The following MYOF variants were observed in gnomAD, a reference collection of about 807,000 sequenced individuals.
MYOF encodes myoferlin, also known as fer-1-like 3, myoferlin.
Under a neutral mutation model 284.2 loss-of-function variants are expected in MYOF, and 244 were observed. That is an observed-to-expected ratio of 0.86 (90% CI 0.77 to 0.95). The LOEUF (loss-of-function observed/expected upper bound fraction) is 0.95. MYOF is among the 40% of genes least tolerant of loss of function. MYOF has a pLI of 0.00. For missense variants in MYOF, 2,496 were observed against 2,560.6 expected, an observed-to-expected ratio of 0.97 and a Z score of 0.54; for synonymous variants, 904 against 919.7, an observed-to-expected ratio of 0.98 and a Z score of 0.31.
At chr10:93,422,306 TC>T (rs1848386611) in intron 5 of MYOF, among the ~76,000 whole-genome samples, 1 of 152,190 alleles carries the variant, frequency 6.6e-6, no homozygotes, top group South Asian at 2.1e-4. Flanking sequence ...CTAAAGAACT[TC>T]CGTGGGAGAG....
intron 4 of MYOF, among the ~76,000 whole-genome samples, chr10:93,429,888 A>G (rs1848757235): frequency 6.6e-6 from 1 of 152,146 alleles, no homozygotes; most frequent in African/African-American, 2.4e-5. Context: ...CACTAGAGAA[A>G]GAGAATTCTG....
chr10:93,308,767 A>T (rs1181914102), intron 53 of MYOF, among the ~76,000 whole-genome samples: 1 of 150,444 alleles, frequency 6.6e-6, no homozygotes, highest in Non-Finnish European at 1.5e-5. Flanking sequence ...GTTGGAGTGC[A>T]GTGGTGTGGT....
intron 5 of MYOF, among the ~76,000 whole-genome samples, chr10:93,422,929 C>T (rs1848418007): frequency 6.6e-6 from 1 of 151,748 alleles, no homozygotes; most frequent in Admixed American, 6.6e-5. Flanking sequence ...TTCCTAAAGG[C>T]CTGGCAGAAG....
chr10:93,428,099 A>T (rs1401227677), intron 4 of MYOF, among the ~76,000 whole-genome samples: 1 of 152,014 alleles, frequency 6.6e-6, no homozygotes, highest in African/African-American at 2.4e-5. Context: ...ACACATATGC[A>T]CACACACACA....
At position 93,333,774 on chromosome 10, in the gene MYOF, T is replaced by G. The variant is rs753293320; in HGVS notation, c.4703A>C (p.Gln1568Pro). ...AACTCTTACCAGGCCATTGTTGTCC[T>G]GGGGCTGGAGCTCTAAGCCTCGAAC... ...YIVRGLELQP[Q>P]DNNGLCDPYI... Residue 1568 changes from glutamine (Q) to proline (P), a missense_variant, in exon 42 of 54, where the codon CAG becomes CCG. By Grantham distance (76) the Gln-to-Pro change is moderately conservative. Coordinates refer to ENST00000359263, the MANE Select transcript of MYOF (RefSeq NM_013451.4). The G allele has an allele frequency of 6.2e-7, 1 of 1,614,050 alleles. No homozygotes were observed. The highest frequency in any genetic ancestry group is 1.3e-5 in the African/African-American group (1 of 74,934).
At chr10:93,465,538 C>CTTTTCT (rs1316526970) in intron 1 of MYOF, among the ~76,000 whole-genome samples, 2,917 of 112,140 alleles carry the variant, frequency 0.026, 100 homozygotes, top group South Asian at 0.042. Flanking sequence ...TTTTTCTTTT[C>CTTTTCT]TTTTTTTTTT....
At chr10:93,380,093 G>T in intron 20 of MYOF, 106 bp from the exon 21 acceptor site, 2 of 1,393,386 alleles carry the variant, frequency 1.4e-6, no homozygotes, top group Non-Finnish European at 9.7e-7. Flanking sequence ...ACAGGCTTGG[G>T]GAATAGCTTG....
At chr10:93,366,597 G>A (rs1307325190) in intron 25 of MYOF, 42 bp from the exon 26 acceptor site, 12 of 1,518,894 alleles carry the variant, frequency 7.9e-6, no homozygotes, top group African/African-American at 1.4e-5. Flanking sequence ...CCATCAGAGA[G>A]CAAAAAATAA....
At chr10:93,378,693 G>GTGTGTGTATGTATATATATATA in intron 21 of MYOF, among the ~76,000 whole-genome samples, 1 of 87,894 alleles carries the variant, frequency 1.1e-5, no homozygotes, top group Non-Finnish European at 2.1e-5. Flanking sequence ...GTGTGTGTGT[G>GTGTGTGTATGTATATATATATA]TATATATATA....
chr10:93,333,903 C>T lies in MYOF; in HGVS notation c.4574G>A (p.Arg1525Gln), dbSNP rs371741740. 39 of 1,613,562 alleles carry T rather than the reference C, an allele frequency of 2.4e-5. No homozygotes were observed. The highest frequency in any genetic ancestry group is 4.5e-5 in the East Asian group (2 of 44,860). ...GGGGTCATCCGGCAGAGGGTAGATC[C>T]GAAAGGAGCCCTAAAAGAGAGAGAC... is the stretch of plus-strand genomic sequence containing the variant. Reference protein sequence around the residue: ...SVVGEFKGSFRIYPLPDDPSV... With the variant: ...SVVGEFKGSFQIYPLPDDPSV... Residue 1525 changes from arginine to glutamine, a missense_variant, in exon 42 of 54, where the codon CGG becomes CAG. Coordinates refer to ENST00000359263, the MANE Select transcript of MYOF (RefSeq NM_013451.4).
At position 93,440,707 on chromosome 10, in the gene MYOF, C is replaced by T. The variant is rs77429286; in HGVS notation, c.237-9191G>A. Reference sequence around the variant, plus strand: ...ACATCATTGAAGATAGTCCAATGACCTTGCAAATTATTTACAGGTTGTAAA... The same window carrying T: ...ACATCATTGAAGATAGTCCAATGACTTTGCAAATTATTTACAGGTTGTAAA... On this transcript the variant is annotated intron_variant, in intron 3 of 53. Transcript: ENST00000359263. 5.1e-3 allele frequency among the ~76,000 whole-genome samples: 779 copies of T among 152,266 alleles called. 3 individuals are homozygous for T. Among genetic ancestry groups the T allele is most frequent in the African/African-American group, 0.018 (749 of 41,556 alleles).
chr10:93,321,412 CTTTTTTTTTT>C (rs35765868), intron 48 of MYOF, among the ~76,000 whole-genome samples: 1 of 121,188 alleles, frequency 8.3e-6, no homozygotes. Context: ...GACTATTAAC[CTTTTTTTTTT>C]TTTTTTTTTT....
Position 93,397,387 on chromosome 10 carries a change from C to A in MYOF, c.1290+1G>T. ...TTTTCAGAAAGAAAATAAAGTCAAA[C>A]CTTGATCTGAAGATTGACGACCTGA... On this transcript the variant is annotated splice_donor_variant, in intron 14 of 53. Coordinates refer to ENST00000359263, the MANE Select transcript of MYOF (RefSeq NM_013451.4). LOFTEE classifies it high-confidence loss of function. 1 of 1,610,582 alleles carries A rather than the reference C, an allele frequency of 6.2e-7. No individual in the cohort carries two copies. The highest frequency in any genetic ancestry group is 1.7e-5 in the Admixed American group (1 of 59,526).
intron 1 of MYOF, among the ~76,000 whole-genome samples, chr10:93,474,980 C>T (rs1051752089): frequency 4.6e-5 from 7 of 152,136 alleles, no homozygotes; most frequent in African/African-American, 1.7e-4. Flanking sequence ...AACTCCTGAC[C>T]TCAGGTGATC....
intron 43 of MYOF, among the ~76,000 whole-genome samples, chr10:93,331,899 A>G (rs1164032238): frequency 6.6e-6 from 1 of 152,254 alleles, no homozygotes; most frequent in Non-Finnish European, 1.5e-5. Flanking sequence ...CAAGGTTCTG[A>G]GAACAAAACA....
chr10:93,310,599 G>A lies in MYOF; in HGVS notation c.5934C>T (p.Ala1978=), dbSNP rs374979890. The A allele has an allele frequency of 1.7e-5, 28 of 1,614,002 alleles. No individual in the cohort carries two copies. Among genetic ancestry groups the A allele is most frequent in the South Asian group, 7.7e-5 (7 of 91,076 alleles). The change falls in exon 52 of 54, where the codon GCC becomes GCT. Residue 1978 remains alanine (A), a synonymous_variant. Coordinates refer to ENST00000359263, the MANE Select transcript of MYOF (RefSeq NM_013451.4). ...GCCCCTTCCCGGCTGGCCTCTCGTC[G>A]GCCTCCTTCTCGTTGAGGATTTCCA... ...MTLEILNEKE[A]DERPAGKGRD...
chr10:93,351,535 G>A lies in MYOF; in HGVS notation c.3700C>T (p.Pro1234Ser). The part of the protein sequence containing the change: ...DEFLGRSIFS[P>S]VVKLNSEMDI... ...ATTTCTGAGTTCAGTTTCACCACAGGAGAGAAAATGCTTCGTCCTAAAAAT... is the reference window on the plus strand; with the variant it reads ...ATTTCTGAGTTCAGTTTCACCACAGAAGAGAAAATGCTTCGTCCTAAAAAT... The change falls in exon 34 of 54, where the codon CCT becomes TCT. Residue 1234 changes from proline (P) to serine (S), a missense_variant. Physicochemically the swap from Pro to Ser is moderately conservative, Grantham distance 74 (BLOSUM62 -1). This residue lies in a region of MYOF where 2,436 missense variants were observed against 2,480.7 expected (regional missense o/e 0.98). Transcript: ENST00000359263. The A allele has an allele frequency of 3.7e-6, 6 of 1,614,202 alleles. No individual in the cohort carries two copies. The highest frequency in any genetic ancestry group is 4.2e-6 in the Non-Finnish European group (5 of 1,180,026).
intron 51 of MYOF, among the ~76,000 whole-genome samples, chr10:93,311,763 G>A (rs891825381): frequency 1.3e-5 from 2 of 152,228 alleles, no homozygotes; most frequent in Non-Finnish European, 2.9e-5. Flanking sequence ...TTACAAGTCA[G>A]ACAAAGCTGG....
intron 16 of MYOF, among the ~76,000 whole-genome samples, chr10:93,395,804 T>C (rs1447602815): frequency 1.3e-5 from 2 of 151,826 alleles, no homozygotes; most frequent in African/African-American, 2.4e-5. Context: ...GCTAGCTCTC[T>C]GTATTGACAC....
Sources: allele counts gnomAD v4.1 joint callset (sites outside exome capture counted in the v4.1 genomes callset), GRCh38; gene constraint gnomAD v4.1.1; regional missense constraint gnomAD v4.1.1; transcripts MANE v1.5; gene names NCBI Gene and HGNC (gene_info 2026-07-23, HGNC 2026-07-21).